ACSF2: variants seen among roughly 807,000 people sequenced by gnomAD.
The protein encoded by ACSF2 is medium-chain acyl-CoA ligase ACSF2, mitochondrial.
ACSF2 carries 52 observed loss-of-function variants against 79.3 expected under a neutral mutation model. The observed-to-expected ratio is 0.66, with a 90% CI of 0.53 to 0.83. ACSF2 has a LOEUF of 0.83. ACSF2 is among the 40% of genes least tolerant of loss of function. The pLI is 0.00. For synonymous variants in ACSF2, 283 were observed against 312.6 expected, an observed-to-expected ratio of 0.91 and a Z score of 1.00; for missense variants, 661 against 803.3, an observed-to-expected ratio of 0.82 and a Z score of 2.14.
chr17:50,467,995 G>T, intron 10 of ACSF2: 1 of 1,519,422 alleles, frequency 6.6e-7, no homozygotes, highest in Non-Finnish European at 8.8e-7. Context: ...GGGCCTCCAG[G>T]AAGGGAAGAA....
At chr17:50,470,480 C>G (rs1300787137) in intron 10 of ACSF2, among the ~76,000 whole-genome samples, 1 of 152,020 alleles carries the variant, frequency 6.6e-6, no homozygotes, top group South Asian at 2.1e-4. Flanking sequence ...ACGGGAAACT[C>G]TCCAGAGCTT....
chr17:50,468,261 A>G, intron 10 of ACSF2: 1 of 1,611,160 alleles, frequency 6.2e-7, no homozygotes. Context: ...GGCTGCAGGG[A>G]GCTCAACGCG....
chr17:50,465,305 C>A lies in ACSF2; in HGVS notation c.1215+1011C>A. 1 of 1,614,090 alleles carries A rather than the reference C, an allele frequency of 6.2e-7. No homozygotes were observed. The highest frequency in any genetic ancestry group is 8.5e-7 in the Non-Finnish European group (1 of 1,180,002). ...TACCTGGCCCCCACCTGTTTAATGGCGGCCAGCTTTCTTGGACCTCTTGGT... is the reference window on the plus strand; with the variant it reads ...TACCTGGCCCCCACCTGTTTAATGGAGGCCAGCTTTCTTGGACCTCTTGGT... On this transcript the variant is annotated intron_variant, in intron 10 of 15. Transcript: ENST00000300441.
intron 1 of ACSF2, among the ~76,000 whole-genome samples, chr17:50,454,514 A>T (rs1317992256): frequency 1.3e-5 from 2 of 152,076 alleles, no homozygotes; most frequent in Non-Finnish European, 2.9e-5. Flanking sequence ...CCAAATCACT[A>T]TGTGGTCCAA....
chr17:50,459,792 T>C (rs2032224001), intron 1 of ACSF2, among the ~76,000 whole-genome samples: 1 of 152,054 alleles, frequency 6.6e-6, no homozygotes, highest in African/African-American at 2.4e-5. Context: ...GGTAGCCACA[T>C]GTGAGAGGTG....
At chr17:50,446,184 G>T (rs1273892372) in intron 1 of ACSF2, among the ~76,000 whole-genome samples, 1 of 152,020 alleles carries the variant, frequency 6.6e-6, no homozygotes, top group East Asian at 1.9e-4. Context: ...TGTTAAATAG[G>T]TACTGCAATG....
chr17:50,457,460 A>C (rs1408143348), intron 1 of ACSF2, among the ~76,000 whole-genome samples: 1 of 152,124 alleles, frequency 6.6e-6, no homozygotes, highest in Non-Finnish European at 1.5e-5. Context: ...TCCACTCTAG[A>C]CCTTGGCAGA....
intron 1 of ACSF2, among the ~76,000 whole-genome samples, chr17:50,443,201 C>T (rs1001026182): frequency 2.0e-5 from 3 of 152,164 alleles, no homozygotes; most frequent in African/African-American, 7.2e-5. Flanking sequence ...AGCCACCGCG[C>T]CCGGCCAGGT....
At chr17:50,437,043 G>C (rs2030486542) in intron 1 of ACSF2, among the ~76,000 whole-genome samples, 1 of 152,100 alleles carries the variant, frequency 6.6e-6, no homozygotes, top group Admixed American at 6.6e-5. Flanking sequence ...CCATATCAAC[G>C]ACCACTGGAA....
intron 10 of ACSF2, chr17:50,464,600 G>C (rs1013831362): frequency 4.7e-5 from 26 of 550,562 alleles, no homozygotes; most frequent in African/African-American, 4.3e-4. Context: ...GTCCTGGCAG[G>C]TGGGGGCTGG....
intron 5 of ACSF2, 38 bp from the exon 6 acceptor site, chr17:50,462,382 C>A: frequency 6.2e-7 from 1 of 1,609,818 alleles, no homozygotes; most frequent in Non-Finnish European, 8.5e-7. Context: ...CTGCCCCCTC[C>A]CTCAGCCCCT....
At chr17:50,434,350 T>C (rs776594751) in intron 1 of ACSF2, among the ~76,000 whole-genome samples, 4 of 151,826 alleles carry the variant, frequency 2.6e-5, no homozygotes, top group Admixed American at 6.6e-5. Flanking sequence ...CAAAACAAGA[T>C]GCTGAGAATG....
At chr17:50,468,688 C>T in intron 10 of ACSF2, 2 of 1,613,788 alleles carry the variant, frequency 1.2e-6, no homozygotes, top group Non-Finnish European at 1.7e-6. Context: ...TCTTCTGCAG[C>T]CCCACCTTGT....
intron 1 of ACSF2, among the ~76,000 whole-genome samples, chr17:50,429,595 C>G (rs1310669280): frequency 6.6e-6 from 1 of 151,896 alleles, no homozygotes; most frequent in African/African-American, 2.4e-5. Flanking sequence ...TCTCAGGTCA[C>G]TGTAACCTCC....
chr17:50,474,017 G>A lies in ACSF2; in HGVS notation c.1728+13G>A, dbSNP rs1183334827. ...CTGCAAAGGGAAGGTGGGAGCCTCC[G>A]CTCAACCTAGCTGATGCTGCTCTGT... On this transcript the variant is annotated intron_variant, in intron 14 of 15. Coordinates refer to ENST00000300441, the MANE Select transcript of ACSF2 (RefSeq NM_025149.6). This position sits in a 1 kb window ranked among gnomAD's most constrained non-coding sequence, Gnocchi z 4.2. 7 of 1,520,208 alleles carry A rather than the reference G, an allele frequency of 4.6e-6. No homozygotes were observed. The highest frequency in any genetic ancestry group is 4.6e-5 in the East Asian group (2 of 43,120). The allele number at this position is 1,520,208 out of a possible 1,614,324, so 94.2% of individuals were successfully genotyped here. A position where few individuals can be genotyped will look rare whatever the true frequency, so the allele number is the denominator to read the frequency against.
rs181100057 is a variant in ACSF2 at position 50,453,488 on chromosome 17, G to A, written c.129-7189G>A. 2.8e-3 allele frequency among the ~76,000 whole-genome samples: 427 copies of A among 152,240 alleles called. 8 individuals carry two copies. Among genetic ancestry groups the A allele is most frequent in the Admixed American group, 0.022 (342 of 15,296 alleles). On this transcript the variant is annotated intron_variant, in intron 1 of 15. Transcript: ENST00000300441. ...CTCCCAAAATGTTGGGGTTACAGGC[G>A]TGAGCCACCGCGCTCGGCCTCACCT...
At chr17:50,468,984 C>G (rs745645069) in intron 10 of ACSF2, 12 of 1,366,300 alleles carry the variant, frequency 8.8e-6, no homozygotes, top group Non-Finnish European at 1.1e-5. Context: ...TTAACTCGCT[C>G]GCGCCCAGAG....
At chr17:50,431,653 C>A (rs528586528) in intron 1 of ACSF2, among the ~76,000 whole-genome samples, 2 of 152,288 alleles carry the variant, frequency 1.3e-5, no homozygotes, top group East Asian at 3.9e-4. Context: ...TGCCACCATA[C>A]CCAGATCATT....
At chr17:50,453,721 T>C (rs1025376862) in intron 1 of ACSF2, among the ~76,000 whole-genome samples, 1 of 152,184 alleles carries the variant, frequency 6.6e-6, no homozygotes, top group Non-Finnish European at 1.5e-5. Context: ...ATTTCTGTAT[T>C]GTTTCTTTTT....
Sources: allele counts gnomAD v4.1 joint callset (sites outside exome capture counted in the v4.1 genomes callset), GRCh38; gene constraint gnomAD v4.1.1; non-coding constraint Gnocchi (gnomAD v3.1); transcripts MANE v1.5; gene names NCBI Gene and HGNC (gene_info 2026-07-23, HGNC 2026-07-21).